Variants in MYBPC1 observed in about 807,000 individuals in gnomAD.
MYBPC1 encodes the protein myosin binding protein C1.
MYBPC1 carries 52 observed loss-of-function variants against 147.1 expected under a neutral mutation model. That is an observed-to-expected ratio of 0.35 (90% CI 0.28 to 0.45). The LOEUF (loss-of-function observed/expected upper bound fraction) is 0.45. MYBPC1 is among the 20% of genes least tolerant of loss of function. The pLI, the probability that MYBPC1 is intolerant of heterozygous loss-of-function variation, is 1.00. For synonymous variants in MYBPC1, 477 were observed against 475.9 expected (o/e 1.00, Z -0.03); for missense variants, 1,228 against 1,440.3 (o/e 0.85, Z 2.39).
chr12:101,596,976 C>T (rs1257287651), intron 1 of MYBPC1, among the ~76,000 whole-genome samples: 2 of 152,160 alleles, frequency 1.3e-5, no homozygotes, highest in Non-Finnish European at 2.9e-5. Context: ...TATTTAAAAT[C>T]CATTGAGGAA....
intron 29 of MYBPC1, 118 bp downstream of exon 29, chr12:101,680,647 G>C: frequency 7.6e-7 from 1 of 1,310,156 alleles, no homozygotes; most frequent in Non-Finnish European, 1.1e-6. Context: ...GCGAGGGTGG[G>C]AGAGGGTGGT....
intron 18 of MYBPC1, among the ~76,000 whole-genome samples, chr12:101,654,237 T>A (rs1224041330): frequency 2.0e-5 from 3 of 151,790 alleles, no homozygotes; most frequent in African/African-American, 7.3e-5. Flanking sequence ...AAAAATAAAA[T>A]TAAATAATAA....
chr12:101,682,690 A>T lies in MYBPC1; in HGVS notation c.3492+28A>T, dbSNP rs549160820. On this transcript the variant is annotated intron_variant, in intron 30 of 31. Transcript: ENST00000361466. ...TTAAAAAGTTTATATCCCACTGGAT[A>T]TTCTACTTTCCGTTCCATTCCTCTT... 105 of 1,586,970 alleles carry T rather than the reference A, an allele frequency of 6.6e-5. No individual in the cohort carries two copies. In the South Asian group the frequency reaches 1.1e-3, roughly 17 times the overall value.
intron 25 of MYBPC1, among the ~76,000 whole-genome samples, chr12:101,674,101 C>T (rs2136723635): frequency 6.6e-6 from 1 of 152,198 alleles, no homozygotes; most frequent in East Asian, 1.9e-4. Flanking sequence ...GAATTCTCAC[C>T]AACTCAAAGG....
chr12:101,648,863 T>C (rs1295886374), intron 14 of MYBPC1, among the ~76,000 whole-genome samples: 1 of 152,212 alleles, frequency 6.6e-6, no homozygotes, highest in Admixed American at 6.5e-5. Flanking sequence ...TACAGTAAAT[T>C]ACACAGCAGG....
intron 31 of MYBPC1, 109 bp from the exon 32 acceptor site, chr12:101,685,473 T>C: frequency 1.3e-6 from 1 of 749,568 alleles, no homozygotes; most frequent in Non-Finnish European, 2.3e-6. Context: ...TTGTAACTAA[T>C]GGGAACATGA....
intron 18 of MYBPC1, among the ~76,000 whole-genome samples, chr12:101,653,547 TTAAA>T (rs899561927): frequency 6.6e-6 from 1 of 152,102 alleles, no homozygotes; most frequent in African/African-American, 2.4e-5. Context: ...AAATGAATTA[TTAAA>T]TAAATAAATG....
At chr12:101,663,157 C>G (rs1487496229) in intron 21 of MYBPC1, among the ~76,000 whole-genome samples, 1 of 152,034 alleles carries the variant, frequency 6.6e-6, no homozygotes, top group Non-Finnish European at 1.5e-5. Context: ...GATCCCAAAC[C>G]TTGCCTTCTT....
intron 1 of MYBPC1, among the ~76,000 whole-genome samples, chr12:101,607,026 A>G (rs1185382166): frequency 6.6e-6 from 1 of 152,086 alleles, no homozygotes; most frequent in East Asian, 1.9e-4. Context: ...TGGTTTTGCC[A>G]TGTTGCACAG....
At chr12:101,647,874 G>A (rs1893558093) in intron 13 of MYBPC1, among the ~76,000 whole-genome samples, 171 bp from the exon 14 acceptor site, 1 of 152,190 alleles carries the variant, frequency 6.6e-6, no homozygotes, top group South Asian at 2.1e-4. Context: ...ACAGCAGAGT[G>A]AGACTCTGTC....
rs775959172 is a variant in MYBPC1 at position 101,627,810 on chromosome 12, C to T, written c.178+6C>T. On this transcript the variant is annotated splice_donor_region_variant and intron_variant, in intron 5 of 31. Coordinates refer to ENST00000361466, the MANE Select transcript of MYBPC1 (RefSeq NM_002465.4). ...CCTGGAGAGAAAAGATTCAGGTGAG[C>T]GCAAGCCCAGAGAAGGCATCCTGAC... The T allele has an allele frequency of 1.2e-5, 20 of 1,613,164 alleles. No homozygotes were observed. The highest frequency in any genetic ancestry group is 8.9e-5 in the East Asian group (4 of 44,856).
At chr12:101,631,077 T>A (rs1172757719) in intron 6 of MYBPC1, among the ~76,000 whole-genome samples, 1 of 152,154 alleles carries the variant, frequency 6.6e-6, no homozygotes, top group Non-Finnish European at 1.5e-5. Flanking sequence ...AGATTGCAGG[T>A]TTACTTCAAG....
chr12:101,647,046 A>G, intron 13 of MYBPC1, 159 bp downstream of exon 13: 1 of 902,772 alleles, frequency 1.1e-6, no homozygotes, highest in Non-Finnish European at 1.7e-6. Context: ...AGCAGAGGGG[A>G]GAAAGAGAAC....
chr12:101,684,259 A>T (rs1045598983), intron 30 of MYBPC1, 123 bp from the exon 31 acceptor site: 6 of 803,950 alleles, frequency 7.5e-6, no homozygotes, highest in Non-Finnish European at 1.1e-5. Context: ...ATGACTAAGG[A>T]TTAATGAAAT....
intron 18 of MYBPC1, among the ~76,000 whole-genome samples, chr12:101,658,130 C>CA (rs34952207): frequency 0.024 from 2,146 of 90,308 alleles, 60 homozygotes; most frequent in African/African-American, 0.072. Context: ...GACTCCGTCT[C>CA]AAAAAAAAAA....
chr12:101,652,561 C>A, intron 16 of MYBPC1, 117 bp from the exon 17 acceptor site: 1 of 691,618 alleles, frequency 1.4e-6, no homozygotes, highest in Non-Finnish European at 2.6e-6. Flanking sequence ...TCTCTCTCTC[C>A]CTCTCTTTCC....
chr12:101,615,820 A>G (rs1472815942), intron 2 of MYBPC1, among the ~76,000 whole-genome samples: 1 of 151,998 alleles, frequency 6.6e-6, no homozygotes, highest in African/African-American at 2.4e-5. Flanking sequence ...ATCTTTTCAC[A>G]CAAAAACTTA....
chr12:101,627,299 G>C (rs942947378), intron 4 of MYBPC1, among the ~76,000 whole-genome samples: 4 of 152,094 alleles, frequency 2.6e-5, no homozygotes, highest in Non-Finnish European at 5.9e-5. Context: ...CTGGAGTGCA[G>C]TGGTGCTATC....
intron 22 of MYBPC1, 56 bp from the exon 23 acceptor site, chr12:101,667,676 A>G: frequency 6.3e-7 from 1 of 1,598,410 alleles, no homozygotes; most frequent in Admixed American, 1.7e-5. Flanking sequence ...GGTTAAGATG[A>G]TTTTTTTCAC....
Sources: gnomAD v4.1 joint callset for allele counts (sites outside exome capture counted in the v4.1 genomes callset) on GRCh38, gnomAD v4.1.1 for gene constraint, MANE v1.5 for transcripts, NCBI Gene and HGNC (gene_info 2026-07-23, HGNC 2026-07-21) for gene names.